Variants in EIF4E1B observed in about 807,000 individuals in gnomAD.
EIF4E1B encodes eukaryotic translation initiation factor 4E family member 1B, also known as eukaryotic translation initiation factor 4E type 1B.
EIF4E1B carries 22 observed loss-of-function variants against 31.3 expected under a neutral mutation model. The ratio of observed to expected loss-of-function variants is 0.70; its 90% confidence interval spans 0.50 to 1.00. The LOEUF is 1.00. Among genes scored for constraint, EIF4E1B ranks in the 50% least tolerant of loss-of-function variants. EIF4E1B has a pLI of 0.00. For missense variants in EIF4E1B, 290 were observed against 311.6 expected (o/e 0.93, Z 0.52); for synonymous variants, 126 against 120.2 (o/e 1.05, Z -0.31).
Position 176,645,349 on chromosome 5 carries a change from A to G in EIF4E1B, c.475-28A>G, listed in dbSNP as rs374901449. The G allele has an allele frequency of 6.5e-7, 1 of 1,543,092 alleles. No individual in the cohort carries two copies. The highest frequency in any genetic ancestry group is 8.8e-7 in the Non-Finnish European group (1 of 1,141,030). On this transcript the variant is annotated intron_variant, in intron 7 of 8. Transcript: ENST00000318682. The surrounding 1 kb of genome is among the most constrained non-coding windows in gnomAD (Gnocchi z 5.4). ...GCCAGTCCCTATGTCCCAGCCGGTGATCTCACAACCCCCTACTTCGGGTCC... is the reference window on the plus strand; with the variant it reads ...GCCAGTCCCTATGTCCCAGCCGGTGGTCTCACAACCCCCTACTTCGGGTCC...
rs966937537 is a variant in EIF4E1B at position 176,644,451 on chromosome 5, T to C, written c.360+12T>C. On this transcript the variant is annotated intron_variant, in intron 6 of 8. Coordinates refer to ENST00000318682, the MANE Select transcript of EIF4E1B (RefSeq NM_001099408.2). ...ACGCCCTCTTCAAGGTAAGCTCTGC[T>C]CTCCTCTTTCCCTCCCGCAAAGGGA... 2 of 1,588,518 alleles carry C rather than the reference T, an allele frequency of 1.3e-6. No individual in the cohort carries two copies. Among genetic ancestry groups the C allele is most frequent in the Admixed American group, 3.5e-5 (2 of 56,694 alleles).
At chr5:176,641,284 C>T (rs894257255) in intron 1 of EIF4E1B, among the ~76,000 whole-genome samples, 4 of 152,162 alleles carry the variant, frequency 2.6e-5, no homozygotes, top group Non-Finnish European at 4.4e-5. Flanking sequence ...GCCAAGATGG[C>T]ACCACTGCAC....
rs756296646 is a variant in EIF4E1B at position 176,642,851 on chromosome 5, TCCCCCCC to T, written c.15+57_15+63del. 253 of 999,880 alleles carry T rather than the reference TCCCCCCC, an allele frequency of 2.5e-4. 11 individuals carry two copies. The African/African-American group carries it at 7.6e-3, about 30-fold the overall frequency. The allele number at this position is 999,880 out of a possible 1,614,324, so 61.9% of individuals were successfully genotyped here. On this transcript the variant is annotated intron_variant, in intron 3 of 8. Transcript: ENST00000318682. ...CCCAGTGCACCATGGCCCCGCCCTCTCCCCCCCCCCCCCCGCCCCAGGTGGGCGGGGC... is the reference window on the plus strand; with the variant it reads ...CCCAGTGCACCATGGCCCCGCCCTCTCCCCCCCGCCCCAGGTGGGCGGGGC...
At chr5:176,633,127 G>A (rs1440198716) in intron 1 of EIF4E1B, among the ~76,000 whole-genome samples, 2 of 152,198 alleles carry the variant, frequency 1.3e-5, no homozygotes, top group Non-Finnish European at 2.9e-5. Context: ...CCTGGTAGTG[G>A]GATTTGGGGC....
At chr5:176,643,345 C>A in intron 4 of EIF4E1B, 79 bp downstream of exon 4, 1 of 1,487,036 alleles carries the variant, frequency 6.7e-7, no homozygotes, top group Non-Finnish European at 9.1e-7. Context: ...CCTTGGGCAA[C>A]CCCGCCTCTC....
rs1308606949 is a variant in EIF4E1B at position 176,645,660 on chromosome 5, T to G, written c.614+144T>G. The G allele has an allele frequency of 7.8e-7, 1 of 1,278,670 alleles. No individual in the cohort carries two copies. The highest frequency in any genetic ancestry group is 1.0e-6 in the Non-Finnish European group (1 of 953,268). The allele number at this position is 1,278,670 out of a possible 1,614,324, so 79.2% of individuals were successfully genotyped here. ...GCCTTGCCCACCTGTATGGAAGGTC[T>G]GGCGTTCAGATTTCTAACTTTCTCT... On this transcript the variant is annotated intron_variant, in intron 8 of 8. Transcript: ENST00000318682. This position sits in a 1 kb window ranked among gnomAD's most constrained non-coding sequence, Gnocchi z 5.4.
chr5:176,644,838 C>T (rs1760661942), intron 6 of EIF4E1B, among the ~76,000 whole-genome samples: 3 of 152,246 alleles, frequency 2.0e-5, no homozygotes, highest in African/African-American at 7.2e-5. Flanking sequence ...CCCTTGCCTG[C>T]ATTGGGGTCT....
chr5:176,642,866 G>GCCCGC, intron 3 of EIF4E1B, 64 bp downstream of exon 3: 1 of 501,542 alleles, frequency 2.0e-6, no homozygotes, highest in Non-Finnish European at 2.8e-6. Flanking sequence ...CCCCCCCCCC[G>GCCCGC]CCCCAGGTGG....
intron 5 of EIF4E1B, 22 bp downstream of exon 5, chr5:176,643,756 G>A (rs753089384): frequency 2.0e-5 from 32 of 1,602,384 alleles, no homozygotes; most frequent in Non-Finnish European, 2.6e-5. Context: ...TCCCCAGTGG[G>A]GCTAGAGTTG....
At position 176,645,556 on chromosome 5, in the gene EIF4E1B, CT is replaced by C. The variant is rs1253176686; in HGVS notation, c.614+41del. On this transcript the variant is annotated intron_variant, in intron 8 of 8. Coordinates refer to ENST00000318682, the MANE Select transcript of EIF4E1B (RefSeq NM_001099408.2). The surrounding 1 kb of genome is among the most constrained non-coding windows in gnomAD (Gnocchi z 5.4). ...TGGCACAGGGTGGGGACTTGGGTCT[CT>C]GCTAGAGGGAAGGTGGGTGGAGGGG... is the stretch of plus-strand genomic sequence containing the variant. 1 of 1,492,938 alleles carries C rather than the reference CT, an allele frequency of 6.7e-7. No homozygotes were observed. The highest frequency in any genetic ancestry group is 1.4e-5 in the African/African-American group (1 of 71,132). 92.5% of individuals were successfully genotyped at this position (1,492,938 alleles called of 1,614,324 possible). A position where few individuals can be genotyped will look rare whatever the true frequency, so the allele number is the denominator to read the frequency against.
intron 1 of EIF4E1B, among the ~76,000 whole-genome samples, chr5:176,633,213 TTTTG>T (rs145169960): frequency 0.25 from 38,129 of 150,014 alleles, 5,278 homozygotes; most frequent in East Asian, 0.61. Flanking sequence ...CCAGTGTTTT[TTTTG>T]TTTGTTTGTT....
At chr5:176,642,605 T>C (rs1760597213) in intron 2 of EIF4E1B, 105 bp from the exon 3 acceptor site, 2 of 921,960 alleles carry the variant, frequency 2.2e-6, no homozygotes, top group Non-Finnish European at 3.2e-6. Flanking sequence ...TCTCTGCTTC[T>C]GCCATCGGCA....
At position 176,642,743 on chromosome 5, in the gene EIF4E1B, G is replaced by T. The variant is rs757183634; in HGVS notation, c.-45G>T. ...CCCCATGGTGTGGGGCTTGGTCACA[G>T]CTGCTTCCCCAGCCCCAGGCCTGCA... On this transcript the variant is annotated 5_prime_UTR_variant, in exon 3 of 9. Transcript: ENST00000318682. The T allele has an allele frequency of 6.4e-7, 1 of 1,555,714 alleles. No homozygotes were observed. The highest frequency in any genetic ancestry group is 1.4e-5 in the African/African-American group (1 of 73,142).
At chr5:176,644,467 C>A in intron 6 of EIF4E1B, 28 bp downstream of exon 6, 2 of 1,579,256 alleles carry the variant, frequency 1.3e-6, no homozygotes, top group East Asian at 4.6e-5. Flanking sequence ...CTTTCCCTCC[C>A]GCAAAGGGAC....
chr5:176,634,610 A>T (rs1413535611), intron 1 of EIF4E1B, among the ~76,000 whole-genome samples: 4 of 150,956 alleles, frequency 2.6e-5, no homozygotes, highest in Non-Finnish European at 5.9e-5. Flanking sequence ...ATATAATTTA[A>T]TTTTTAACAA....
Position 176,645,639 on chromosome 5 carries a change from T to C in EIF4E1B, c.614+123T>C, listed in dbSNP as rs1760685419. On this transcript the variant is annotated intron_variant, in intron 8 of 8. Transcript: ENST00000318682. This position sits in a 1 kb window ranked among gnomAD's most constrained non-coding sequence, Gnocchi z 5.4. ...TCCATAGCCTCCCTCCCTTCTGCCT[T>C]GCCCACCTGTATGGAAGGTCTGGCG... 2 of 1,359,522 alleles carry C rather than the reference T, an allele frequency of 1.5e-6. No homozygotes were observed. The highest frequency in any genetic ancestry group is 5.1e-5 in the East Asian group (2 of 38,854). The allele number at this position is 1,359,522 out of a possible 1,614,324, so 84.2% of individuals were successfully genotyped here.
At chr5:176,643,365 G>T (rs1398307482) in intron 4 of EIF4E1B, 99 bp downstream of exon 4, 4 of 1,416,806 alleles carry the variant, frequency 2.8e-6, no homozygotes, top group Admixed American at 2.3e-5. Context: ...CTTGGCCCTA[G>T]CTCTTCATCC....
chr5:176,646,636 C>T lies in EIF4E1B; in HGVS notation c.*656C>T, dbSNP rs1760718918. ...CTGTTCCTGTTTTAAATAAATACTTCTGAACAAAGTTGGAATTATTTTTAA... is the reference window on the plus strand; with the variant it reads ...CTGTTCCTGTTTTAAATAAATACTTTTGAACAAAGTTGGAATTATTTTTAA... On this transcript the variant is annotated 3_prime_UTR_variant, in exon 9 of 9. Transcript: ENST00000318682. The T allele has an allele frequency of 1.3e-5, 2 of 152,290 alleles. No homozygotes were observed. The highest frequency in any genetic ancestry group is 4.8e-5 in the African/African-American group (2 of 41,464). 9.4% of individuals were successfully genotyped at this position (152,290 alleles called of 1,614,324 possible).
intron 1 of EIF4E1B, among the ~76,000 whole-genome samples, chr5:176,639,909 A>C (rs1223750268): frequency 1.3e-5 from 2 of 152,106 alleles, no homozygotes; most frequent in African/African-American, 2.4e-5. Context: ...GCAACAGAGC[A>C]AGACACTGTC....
Sources: gnomAD v4.1 joint callset for allele counts (sites outside exome capture counted in the v4.1 genomes callset) on GRCh38, gnomAD v4.1.1 for gene constraint, Gnocchi (gnomAD v3.1) non-coding constraint, MANE v1.5 for transcripts, NCBI Gene and HGNC (gene_info 2026-07-23, HGNC 2026-07-21) for gene names.